ADGRL3: variants seen among roughly 807,000 people sequenced by gnomAD.
ADGRL3 encodes adhesion G protein-coupled receptor L3, also known as calcium-independent alpha-latrotoxin receptor 3.
ADGRL3 carries 62 observed loss-of-function variants against 153.5 expected under a neutral mutation model. That is an observed-to-expected ratio of 0.40 (90% CI 0.33 to 0.50). The LOEUF (loss-of-function observed/expected upper bound fraction) is 0.50. Among genes scored for constraint, ADGRL3 ranks in the 20% least tolerant of loss-of-function variants. The pLI is 0.47. For synonymous variants in ADGRL3, 710 were observed against 672.5 expected (o/e 1.06, Z -0.86); for missense variants, 1,641 against 1,859.4 (o/e 0.88, Z 2.16).
chr4:61,679,144 A>G (rs978248667), intron 6 of ADGRL3, among the ~76,000 whole-genome samples: 12 of 151,978 alleles, frequency 7.9e-5, no homozygotes, highest in African/African-American at 2.9e-4. Flanking sequence ...GGCCTCAGGG[A>G]GATTTTACTC....
chr4:61,834,650 G>A (rs1561327446), intron 9 of ADGRL3, among the ~76,000 whole-genome samples: 1 of 152,134 alleles, frequency 6.6e-6, no homozygotes, highest in Non-Finnish European at 1.5e-5. Flanking sequence ...GGGCCATAGT[G>A]AGAATGGGAG....
At chr4:61,854,785 A>C (rs1659352754) in intron 9 of ADGRL3, among the ~76,000 whole-genome samples, 1 of 152,204 alleles carries the variant, frequency 6.6e-6, no homozygotes, top group South Asian at 2.1e-4. Flanking sequence ...CAGATGATGA[A>C]GTTTAACATC....
intron 2 of ADGRL3, among the ~76,000 whole-genome samples, chr4:61,455,066 A>G (rs1346141752): frequency 6.6e-6 from 1 of 152,184 alleles, no homozygotes; most frequent in East Asian, 1.9e-4. Flanking sequence ...TTATACTCGA[A>G]CTAAGTTCTT....
At chr4:61,805,804 G>C (rs1343380057) in intron 8 of ADGRL3, among the ~76,000 whole-genome samples, 1 of 152,132 alleles carries the variant, frequency 6.6e-6, no homozygotes, top group Non-Finnish European at 1.5e-5. Flanking sequence ...GGGATATTGG[G>C]TTAAAATCAC....
intron 1 of ADGRL3, among the ~76,000 whole-genome samples, chr4:61,351,914 T>C (rs2096059805): frequency 6.6e-6 from 1 of 152,216 alleles, no homozygotes; most frequent in Admixed American, 6.5e-5. Flanking sequence ...TGAAGTGCAG[T>C]AATTTCAATT....
chr4:61,459,268 G>C (rs2097785254), intron 2 of ADGRL3, among the ~76,000 whole-genome samples: 1 of 151,886 alleles, frequency 6.6e-6, no homozygotes, highest in Non-Finnish European at 1.5e-5. Flanking sequence ...AACAAATAAA[G>C]TCTTTGTCCT....
At chr4:61,744,416 T>A (rs1355025249) in intron 8 of ADGRL3, among the ~76,000 whole-genome samples, 2 of 152,136 alleles carry the variant, frequency 1.3e-5, no homozygotes, top group African/African-American at 2.4e-5. Context: ...CCTCCTCAAG[T>A]GGGTCCCTGA....
At chr4:61,871,975 T>A (rs2098448158) in intron 9 of ADGRL3, among the ~76,000 whole-genome samples, 2 of 152,210 alleles carry the variant, frequency 1.3e-5, no homozygotes, top group African/African-American at 4.8e-5. Flanking sequence ...TTATACTTAC[T>A]ACTAACATCC....
At chr4:61,750,576 G>A (rs940897781) in intron 8 of ADGRL3, among the ~76,000 whole-genome samples, 1 of 152,040 alleles carries the variant, frequency 6.6e-6, no homozygotes, top group South Asian at 2.1e-4. Flanking sequence ...CGGATCACGA[G>A]GTCAGGAGAT....
intron 2 of ADGRL3, among the ~76,000 whole-genome samples, chr4:61,397,355 A>C (rs2096880441): frequency 6.6e-6 from 1 of 151,956 alleles, no homozygotes; most frequent in Admixed American, 6.6e-5. Flanking sequence ...ACTGAAGCTG[A>C]GTCACGCTCC....
At chr4:61,503,371 A>G (rs543207041) in intron 3 of ADGRL3, among the ~76,000 whole-genome samples, 2 of 152,124 alleles carry the variant, frequency 1.3e-5, no homozygotes, top group East Asian at 1.9e-4. Flanking sequence ...AATTTATCCT[A>G]TTTTTTATAT....
At chr4:62,061,102 G>T (rs1739869186) in intron 25 of ADGRL3, among the ~76,000 whole-genome samples, 2 of 151,860 alleles carry the variant, frequency 1.3e-5, no homozygotes, top group Non-Finnish European at 2.9e-5. Flanking sequence ...TTAGTTGACT[G>T]ATAATTTACT....
At chr4:61,772,113 G>T (rs1021228793) in intron 8 of ADGRL3, among the ~76,000 whole-genome samples, 1 of 152,172 alleles carries the variant, frequency 6.6e-6, no homozygotes, top group Non-Finnish European at 1.5e-5. Flanking sequence ...GGCTGTCCTG[G>T]GAGGAAAAGG....
chr4:61,342,304 T>C (rs781027921), intron 1 of ADGRL3, among the ~76,000 whole-genome samples: 1 of 152,156 alleles, frequency 6.6e-6, no homozygotes, highest in Non-Finnish European at 1.5e-5. Flanking sequence ...TATTAAGCAG[T>C]TCGTGAACAG....
intron 5 of ADGRL3, among the ~76,000 whole-genome samples, chr4:61,612,288 G>C (rs1055877285): frequency 6.6e-6 from 1 of 151,972 alleles, no homozygotes; most frequent in African/African-American, 2.4e-5. Context: ...TTTATCAAAC[G>C]AATCATTTAT....
chr4:61,322,650 G>T (rs1490908761), intron 1 of ADGRL3, among the ~76,000 whole-genome samples: 1 of 152,204 alleles, frequency 6.6e-6, no homozygotes, highest in Non-Finnish European at 1.5e-5. Context: ...GCTACAAAAT[G>T]ATCTCCTTTG....
intron 2 of ADGRL3, among the ~76,000 whole-genome samples, chr4:61,406,915 TC>T (rs985674869): frequency 1.8e-4 from 27 of 152,134 alleles, no homozygotes; most frequent in African/African-American, 6.5e-4. Flanking sequence ...TACAAATCAT[TC>T]CATGGAACCA....
intron 4 of ADGRL3, among the ~76,000 whole-genome samples, chr4:61,573,080 A>G (rs1468313455): frequency 1.3e-5 from 2 of 152,028 alleles, no homozygotes; most frequent in African/African-American, 2.4e-5. Context: ...CTAGGGATGT[A>G]AAAGCATTTA....
At position 61,236,008 on chromosome 4, in the gene ADGRL3, C is replaced by CTTTTTTTTT. The variant is rs55932029; in HGVS notation, c.-240+34254_-240+34262dup. 2.3e-3 allele frequency among the ~76,000 whole-genome samples: 217 copies of CTTTTTTTTT among 95,848 alleles called. 1 individual carries two copies. The highest frequency in any genetic ancestry group is 7.5e-3 in the East Asian group (21 of 2,796). The allele number at this position is 95,848 out of a possible 152,430, so 62.9% of individuals were successfully genotyped here. A position where few individuals can be genotyped will look rare whatever the true frequency, so the allele number is the denominator to read the frequency against. On this transcript the variant is annotated intron_variant, in intron 1 of 26. Coordinates refer to ENST00000683033, the MANE Select transcript of ADGRL3 (RefSeq NM_001387552.1). ...TCTTTATCAGTGTTTCTTTTCTTTT[C>CTTTTTTTTT]TTTTTTTTTTTTTTTTTTTGAGATT... is the stretch of plus-strand genomic sequence containing the variant.
Sources: gnomAD v4.1 joint callset for allele counts (sites outside exome capture counted in the v4.1 genomes callset) on GRCh38, gnomAD v4.1.1 for gene constraint, MANE v1.5 for transcripts, NCBI Gene and HGNC (gene_info 2026-07-23, HGNC 2026-07-21) for gene names.